MYO18B: variants seen among roughly 807,000 people sequenced by gnomAD.
The protein encoded by MYO18B is unconventional myosin-XVIIIb.
MYO18B carries 204 observed loss-of-function variants against 273.0 expected under a neutral mutation model. The observed-to-expected ratio is 0.75, with a 90% CI of 0.67 to 0.84. The LOEUF is 0.84. Ranked by LOEUF, MYO18B falls within the 40% of genes least tolerant of loss-of-function variation. The pLI, the probability that MYO18B is intolerant of heterozygous loss-of-function variation, is 0.00. For synonymous variants in MYO18B, 1,330 were observed against 1,305.7 expected, an observed-to-expected ratio of 1.02 and a Z score of -0.40; for missense variants, 3,212 against 3,287.6, an observed-to-expected ratio of 0.98 and a Z score of 0.56.
intron 42 of MYO18B, among the ~76,000 whole-genome samples, chr22:26,014,903 G>GTT (rs35917774): frequency 0.052 from 7,754 of 149,382 alleles, 267 homozygotes; most frequent in African/African-American, 0.11. Context: ...TTTTTAATGG[G>GTT]TTTTTTTTTT....
intron 38 of MYO18B, among the ~76,000 whole-genome samples, chr22:25,954,971 A>G (rs1010887075): frequency 5.3e-5 from 8 of 152,158 alleles, no homozygotes; most frequent in African/African-American, 1.9e-4. Flanking sequence ...CGGCCTCCCA[A>G]AGTGCTGGGA....
At chr22:25,758,839 ACTC>A (rs1407244549) in intron 1 of MYO18B, among the ~76,000 whole-genome samples, 3 of 151,014 alleles carry the variant, frequency 2.0e-5, no homozygotes, top group East Asian at 3.9e-4. Context: ...CTCACTGCAA[ACTC>A]CTCCTCCCAG....
intron 36 of MYO18B, among the ~76,000 whole-genome samples, chr22:25,949,821 T>C (rs1377048711): frequency 6.6e-6 from 1 of 152,148 alleles, no homozygotes; most frequent in Non-Finnish European, 1.5e-5. Context: ...GTTTCTACCC[T>C]CTAGAATTCC....
intron 22 of MYO18B, among the ~76,000 whole-genome samples, chr22:25,870,208 A>G (rs1407504203): frequency 6.6e-6 from 1 of 152,216 alleles, no homozygotes; most frequent in Admixed American, 6.5e-5. Flanking sequence ...AAATGCAGTC[A>G]CGTGTGGCTT....
intron 12 of MYO18B, among the ~76,000 whole-genome samples, chr22:25,817,446 TTTCCCCTTCCC>T (rs1234272837): frequency 1.4e-5 from 2 of 140,948 alleles, no homozygotes; most frequent in Non-Finnish European, 3.1e-5. Flanking sequence ...TCCCTTTCTC[TTTCCCCTTCCC>T]TTCCCCTTCC....
chr22:25,890,177 T>C (rs2091618239), intron 25 of MYO18B, among the ~76,000 whole-genome samples: 1 of 152,196 alleles, frequency 6.6e-6, no homozygotes. Flanking sequence ...ATGGTAAAAA[T>C]GCAATAGGCA....
At chr22:25,974,946 GGA>G (rs2093072624) in intron 39 of MYO18B, among the ~76,000 whole-genome samples, 1 of 152,196 alleles carries the variant, frequency 6.6e-6, no homozygotes, top group Admixed American at 6.5e-5. Flanking sequence ...CCTGACACTG[GGA>G]GAGTGTCAAA....
chr22:25,919,686 G>GTA lies in MYO18B; in HGVS notation c.5365-1570_5365-1569insAT, dbSNP rs538008786. Among the ~76,000 whole-genome samples the GTA allele has an allele frequency of 5.6e-4, 85 of 151,700 alleles. No homozygotes were observed. The South Asian group carries it at 0.017, about 31-fold the overall frequency. On this transcript the variant is annotated intron_variant, in intron 33 of 43. Coordinates refer to ENST00000335473, the MANE Select transcript of MYO18B (RefSeq NM_032608.7). ...TGAGATTGTGTGTGTGTATGTGTGT[G>GTA]TGTGTGTGTGTGTGTGTGTGTGTAT...
the MYO18B span, among the ~76,000 whole-genome samples, chr22:26,047,171 G>T: frequency 1.3e-5 from 2 of 148,662 alleles, no homozygotes; most frequent in African/African-American, 2.5e-5. Context: ...CTGTCACCCA[G>T]GCTGGAGTGT....
intron 39 of MYO18B, among the ~76,000 whole-genome samples, chr22:25,985,637 A>T (rs968377861): frequency 1.4e-5 from 2 of 146,622 alleles, no homozygotes; most frequent in African/African-American, 5.1e-5. Flanking sequence ...TTTTATTTTT[A>T]TTTTTTTTTT....
At chr22:26,041,785 A>G in the MYO18B span, among the ~76,000 whole-genome samples, 1 of 152,200 alleles carries the variant, frequency 6.6e-6, no homozygotes, top group African/African-American at 2.4e-5. Context: ...GAACTTCTGA[A>G]TAAATTTAGA....
chr22:25,910,916 C>T, intron 32 of MYO18B, 30 bp from the exon 33 acceptor site: 1 of 1,525,048 alleles, frequency 6.6e-7, no homozygotes, highest in South Asian at 1.2e-5. Flanking sequence ...TTCATTTACC[C>T]TGTGATGTTT....
chr22:25,824,312 G>A (rs2089405733), intron 13 of MYO18B, among the ~76,000 whole-genome samples: 1 of 152,112 alleles, frequency 6.6e-6, no homozygotes, highest in Non-Finnish European at 1.5e-5. Context: ...GAGACGGGGC[G>A]AGGTGGACAG....
chr22:25,799,158 T>TGTGTGTGTGTGTGC (rs1228079341), intron 12 of MYO18B, among the ~76,000 whole-genome samples: 1 of 151,572 alleles, frequency 6.6e-6, no homozygotes, highest in Non-Finnish European at 1.5e-5. Context: ...TGTGTGTGTG[T>TGTGTGTGTGTGTGC]GTGCTTGGAT....
At chr22:25,802,596 AC>A in intron 12 of MYO18B, among the ~76,000 whole-genome samples, 1 of 151,928 alleles carries the variant, frequency 6.6e-6, no homozygotes, top group East Asian at 2.0e-4. Context: ...AAAAAAAAAT[AC>A]AAAAAATTAG....
chr22:25,985,279 T>G (rs2093189171), intron 39 of MYO18B, among the ~76,000 whole-genome samples: 1 of 152,158 alleles, frequency 6.6e-6, no homozygotes, highest in Non-Finnish European at 1.5e-5. Flanking sequence ...GAGAATTGCT[T>G]GAACCTGGGA....
chr22:25,822,722 C>T (rs75806143), intron 12 of MYO18B, among the ~76,000 whole-genome samples: 2,138 of 152,318 alleles, frequency 0.014, 44 homozygotes, highest in African/African-American at 0.048. Flanking sequence ...TCTTAAGAGC[C>T]GAACTCCCTG....
At chr22:25,800,377 C>A (rs1012883391) in intron 12 of MYO18B, among the ~76,000 whole-genome samples, 92 of 152,340 alleles carry the variant, frequency 6.0e-4, no homozygotes, top group African/African-American at 2.2e-3. Context: ...TTGGGCATCA[C>A]CACTACTTTG....
chr22:25,977,809 G>A (rs1204388401), intron 39 of MYO18B, among the ~76,000 whole-genome samples: 1 of 152,212 alleles, frequency 6.6e-6, no homozygotes, highest in Non-Finnish European at 1.5e-5. Flanking sequence ...CCTCTCATCA[G>A]TGACTCTTCA....
Sources: gnomAD v4.1 joint callset for allele counts (sites outside exome capture counted in the v4.1 genomes callset) on GRCh38, gnomAD v4.1.1 for gene constraint, MANE v1.5 for transcripts, NCBI Gene and HGNC (gene_info 2026-07-23, HGNC 2026-07-21) for gene names.